HNF4G: variants seen among roughly 807,000 people sequenced by gnomAD.
HNF4G encodes the protein hepatocyte nuclear factor 4 gamma.
A neutral mutation model predicts 50.9 loss-of-function variants in HNF4G; 21 were observed. The ratio of observed to expected loss-of-function variants is 0.41; its 90% confidence interval spans 0.29 to 0.59. The LOEUF is 0.59. Among genes scored for constraint, HNF4G ranks in the 20% least tolerant of loss-of-function variants. The probability of loss-of-function intolerance (pLI) is 0.26; values close to 1 mark genes in which losing one functional copy is unlikely to be tolerated. For synonymous variants in HNF4G, 198 were observed against 185.6 expected, an observed-to-expected ratio of 1.07 and a Z score of -0.54; for missense variants, 527 against 559.4, an observed-to-expected ratio of 0.94 and a Z score of 0.58.
At chr8:75,468,712 G>T (rs941711544) in intron 1 of HNF4G, among the ~76,000 whole-genome samples, 3 of 151,936 alleles carry the variant, frequency 2.0e-5, no homozygotes, top group African/African-American at 7.2e-5. Context: ...AAAATTATAT[G>T]TAGAGTTTTC....
At chr8:75,533,890 A>G (rs985359827) in intron 2 of HNF4G, among the ~76,000 whole-genome samples, 2 of 151,908 alleles carry the variant, frequency 1.3e-5, no homozygotes, top group African/African-American at 2.4e-5. Context: ...TGTATTTTAT[A>G]TGGAGAAACT....
At position 75,551,379 on chromosome 8, in the gene HNF4G, TC is replaced by T. The variant is rs773673305; in HGVS notation, c.383-4del. ...AGTGCTCAATAAATACTGTGTTTTT[TC>T]CCCCTAGCTGTACAAAATGAACGTG... On this transcript the variant is annotated splice_region_variant and splice_polypyrimidine_tract_variant and intron_variant, in intron 3 of 9. Transcript: ENST00000396423. 8 of 1,546,194 alleles carry T rather than the reference TC, an allele frequency of 5.2e-6. No homozygotes were observed. The African/African-American group carries it at 8.2e-5, about 16-fold the overall frequency.
At chr8:75,411,336 AG>A (rs1023756010) in intron 1 of HNF4G, among the ~76,000 whole-genome samples, 1 of 152,232 alleles carries the variant, frequency 6.6e-6, no homozygotes, top group Non-Finnish European at 1.5e-5. Flanking sequence ...TCTAGGCCAC[AG>A]AATATCTGTA....
chr8:75,410,279 A>G (rs945480763), intron 1 of HNF4G, among the ~76,000 whole-genome samples: 10 of 152,284 alleles, frequency 6.6e-5, no homozygotes, highest in African/African-American at 1.9e-4. Context: ...GCCTTTCTAA[A>G]CACCCACAGT....
intron 1 of HNF4G, among the ~76,000 whole-genome samples, chr8:75,466,636 C>CCTCCTCCCT (rs1197117089): frequency 2.6e-5 from 1 of 38,694 alleles, no homozygotes; most frequent in Non-Finnish European, 5.4e-5. Flanking sequence ...TTCCTTCCTT[C>CCTCCTCCCT]TCCCTTCCCT....
intron 1 of HNF4G, among the ~76,000 whole-genome samples, chr8:75,433,574 G>A (rs902407343): frequency 4.6e-5 from 7 of 151,980 alleles, no homozygotes; most frequent in African/African-American, 1.7e-4. Context: ...AGTAGTAGTA[G>A]TAATAGAGAC....
chr8:75,521,129 T>C (rs74815540), intron 2 of HNF4G, among the ~76,000 whole-genome samples: 2,044 of 152,280 alleles, frequency 0.013, 45 homozygotes, highest in African/African-American at 0.043. Context: ...AGAACTATTG[T>C]TAAAACCTAC....
intron 1 of HNF4G, among the ~76,000 whole-genome samples, chr8:75,442,955 G>A (rs2130551903): frequency 6.6e-6 from 1 of 152,254 alleles, no homozygotes; most frequent in Middle Eastern, 3.4e-3. Context: ...TTGCCTTCGT[G>A]ATCTGAATGT....
intron 3 of HNF4G, among the ~76,000 whole-genome samples, chr8:75,550,304 CTCTCTCTT>C (rs1806910598): frequency 6.6e-6 from 1 of 151,750 alleles, no homozygotes; most frequent in African/African-American, 2.4e-5. Context: ...TATTCTCTCT[CTCTCTCTT>C]TTTTTTTAAT....
chr8:75,527,389 ATG>A lies in HNF4G; in HGVS notation c.-23-16417_-23-16416del, dbSNP rs544604595. Among the ~76,000 whole-genome samples the A allele has an allele frequency of 5.9e-3, 904 of 152,348 alleles. 6 individuals are homozygous for A. Among genetic ancestry groups the A allele is most frequent in the Non-Finnish European group, 0.011 (722 of 68,034 alleles). ...GTTATATGTTGATTGGTTCATGAAAATGTGTGAGTAAAGGCTCGCAGGAGCAT... is the reference window on the plus strand; with the variant it reads ...GTTATATGTTGATTGGTTCATGAAAATGTGAGTAAAGGCTCGCAGGAGCAT... On this transcript the variant is annotated intron_variant, in intron 2 of 10. Transcript: ENST00000354370.
chr8:75,435,195 T>C (rs954725207), intron 1 of HNF4G, among the ~76,000 whole-genome samples: 1 of 152,216 alleles, frequency 6.6e-6, no homozygotes, highest in Non-Finnish European at 1.5e-5. Flanking sequence ...AATTTGTTTA[T>C]AAAAGATAAA....
chr8:75,466,533 C>T (rs904256746), intron 1 of HNF4G, among the ~76,000 whole-genome samples: 7 of 149,724 alleles, frequency 4.7e-5, no homozygotes, highest in African/African-American at 2.5e-5. Context: ...TTCCTTCCTT[C>T]CTTCTCTCCT....
chr8:75,502,023 T>C (rs112326110), intron 2 of HNF4G, among the ~76,000 whole-genome samples: 5,202 of 152,160 alleles, frequency 0.034, 132 homozygotes, highest in Middle Eastern at 0.054. Context: ...CAGCTAATTT[T>C]TGTATTTTTA....
chr8:75,472,587 A>G (rs1045515425), intron 1 of HNF4G, among the ~76,000 whole-genome samples: 65 of 152,228 alleles, frequency 4.3e-4, no homozygotes, highest in African/African-American at 1.5e-3. Context: ...GAGTGCAAAT[A>G]TGTATAATCA....
At chr8:75,513,848 A>T (rs976241298) in intron 2 of HNF4G, among the ~76,000 whole-genome samples, 3 of 151,378 alleles carry the variant, frequency 2.0e-5, no homozygotes, top group African/African-American at 7.3e-5. Context: ...TGATTTTATT[A>T]TATTTTATTT....
rs1377450624 is a variant in HNF4G at position 75,559,118 on chromosome 8, A to T, written c.1123+81A>T. 3.2e-6 allele frequency: 3 copies of T among 942,262 alleles called. No homozygotes were observed. The Admixed American group carries it at 5.3e-5, about 17-fold the overall frequency. The allele number at this position is 942,262 out of a possible 1,614,324, so 58.4% of individuals were successfully genotyped here. A position where few individuals can be genotyped will look rare whatever the true frequency, so the allele number is the denominator to read the frequency against. ...TTGACCTACTGATTTTTTTGTCCATATTTAATTCATCTACTGAAGTTGCTG... is the reference window on the plus strand; with the variant it reads ...TTGACCTACTGATTTTTTTGTCCATTTTTAATTCATCTACTGAAGTTGCTG... On this transcript the variant is annotated intron_variant, in intron 8 of 9. Transcript: ENST00000396423.
chr8:75,513,908 T>C (rs1228724365), intron 2 of HNF4G, among the ~76,000 whole-genome samples: 1 of 151,274 alleles, frequency 6.6e-6, no homozygotes, highest in African/African-American at 2.4e-5. Context: ...GTTAAGACTT[T>C]CTCTATAGTC....
intron 2 of HNF4G, among the ~76,000 whole-genome samples, chr8:75,516,219 A>G (rs1323768165): frequency 1.3e-5 from 2 of 152,224 alleles, no homozygotes; most frequent in African/African-American, 4.8e-5. Flanking sequence ...TTAATATTAT[A>G]TATTTTCCTC....
intron 1 of HNF4G, among the ~76,000 whole-genome samples, chr8:75,420,188 A>G (rs1463488666): frequency 6.6e-6 from 1 of 152,114 alleles, no homozygotes; most frequent in Non-Finnish European, 1.5e-5. Flanking sequence ...ATTAACTTCA[A>G]TTGGGCCTCA....
Sources: allele counts gnomAD v4.1 joint callset (sites outside exome capture counted in the v4.1 genomes callset), GRCh38; gene constraint gnomAD v4.1.1; transcripts MANE v1.5; gene names NCBI Gene and HGNC (gene_info 2026-07-23, HGNC 2026-07-21).